PCDHGB1: variants seen among roughly 807,000 people sequenced by gnomAD.
PCDHGB1 encodes protocadherin gamma-B1.
A neutral mutation model predicts 56.6 loss-of-function variants in PCDHGB1; 34 were observed. That is an observed-to-expected ratio of 0.60 (90% CI 0.46 to 0.80). The LOEUF (loss-of-function observed/expected upper bound fraction) is 0.80, where lower values mean the gene tolerates loss of function less well. PCDHGB1 is among the 30% of genes least tolerant of loss of function. The pLI is 0.00. For synonymous variants in PCDHGB1, 561 were observed against 505.9 expected (o/e 1.11, Z -1.46); for missense variants, 1,278 against 1,204.6 (o/e 1.06, Z -0.90).
At chr5:141,406,870 G>T (rs903338003) in intron 1 of PCDHGB1, among the ~76,000 whole-genome samples, 1 of 152,230 alleles carries the variant, frequency 6.6e-6, no homozygotes, top group Non-Finnish European at 1.5e-5. Flanking sequence ...CTCAGGAACT[G>T]CTGGGAAGAT....
At chr5:141,375,323 G>A in intron 1 of PCDHGB1, 1 of 1,613,814 alleles carries the variant, frequency 6.2e-7, no homozygotes, top group Non-Finnish European at 8.5e-7. Context: ...AGACCGGGAA[G>A]AGGTATTCTT....
At chr5:141,385,503 C>A in intron 1 of PCDHGB1, 1 of 1,379,554 alleles carries the variant, frequency 7.2e-7, no homozygotes, top group Non-Finnish European at 9.4e-7. Context: ...TATAGTATTT[C>A]TTTAGTGAAA....
intron 1 of PCDHGB1, chr5:141,371,215 A>G: frequency 1.9e-6 from 3 of 1,614,052 alleles, no homozygotes; most frequent in East Asian, 2.2e-5. Flanking sequence ...GAGGGCATCA[A>G]TGCCGAAATC....
intron 1 of PCDHGB1, chr5:141,392,908 G>T: frequency 1.2e-6 from 2 of 1,613,852 alleles, no homozygotes; most frequent in African/African-American, 1.3e-5. Context: ...GGACAGATTC[G>T]CTACTCTGTG....
chr5:141,422,370 T>G (rs2096643676), intron 1 of PCDHGB1: 1 of 1,566,604 alleles, frequency 6.4e-7, no homozygotes, highest in African/African-American at 1.4e-5. Flanking sequence ...GAGAAAATGG[T>G]CAAGTCTCCT....
intron 1 of PCDHGB1, chr5:141,360,688 A>G: frequency 6.2e-7 from 1 of 1,613,902 alleles, no homozygotes; most frequent in Non-Finnish European, 8.5e-7. Context: ...TGAGAAACAG[A>G]CTCCAGATGG....
chr5:141,393,087 C>T (rs1244090890), intron 1 of PCDHGB1: 1 of 1,613,628 alleles, frequency 6.2e-7, no homozygotes, highest in African/African-American at 1.3e-5. Flanking sequence ...CAGGATAGAT[C>T]GGGAGGAGCT....
chr5:141,382,556 G>C (rs1286845940), intron 1 of PCDHGB1, among the ~76,000 whole-genome samples: 1 of 152,160 alleles, frequency 6.6e-6, no homozygotes, highest in Non-Finnish European at 1.5e-5. Flanking sequence ...GGGATATCTA[G>C]AGCAAAGAAA....
At chr5:141,418,583 T>A (rs1242446631) in intron 1 of PCDHGB1, 1 of 1,613,862 alleles carries the variant, frequency 6.2e-7, no homozygotes, top group Non-Finnish European at 8.5e-7. Flanking sequence ...CCCCCCAGTG[T>A]TCAGCCAGGA....
At chr5:141,421,965 C>A in intron 1 of PCDHGB1, 1 of 1,610,360 alleles carries the variant, frequency 6.2e-7, no homozygotes, top group Non-Finnish European at 8.5e-7. Context: ...TTACACAGTC[C>A]GTATATCGCG....
At chr5:141,404,044 A>G (rs752955570) in intron 1 of PCDHGB1, 3 of 1,613,936 alleles carry the variant, frequency 1.9e-6, no homozygotes, top group South Asian at 1.1e-5. Context: ...CTCAGGGAAC[A>G]GTAATTCTTC....
chr5:141,376,304 G>T, intron 1 of PCDHGB1: 1 of 1,614,218 alleles, frequency 6.2e-7, no homozygotes, highest in Non-Finnish European at 8.5e-7. Context: ...CTCGCACTTT[G>T]TGGGCGTGGA....
chr5:141,366,112 G>C (rs747040892), intron 1 of PCDHGB1: 1 of 1,614,110 alleles, frequency 6.2e-7, no homozygotes, highest in Non-Finnish European at 8.5e-7. Context: ...TGGTAGCGGT[G>C]GACAAAGATT....
At chr5:141,488,031 A>G (rs1475176300) in intron 1 of PCDHGB1, among the ~76,000 whole-genome samples, 1 of 152,122 alleles carries the variant, frequency 6.6e-6, no homozygotes, top group Non-Finnish European at 1.5e-5. Context: ...CTAGGTTACC[A>G]TTTCCCAAGG....
intron 1 of PCDHGB1, chr5:141,409,914 G>C: frequency 6.2e-7 from 1 of 1,613,348 alleles, no homozygotes; most frequent in East Asian, 2.2e-5. Context: ...GGTCCTGACG[G>C]CTCCGCGTTC....
Position 141,476,165 on chromosome 5 carries a change from G to A in PCDHGB1, c.2410-18642G>A. ...CGGACTGGTAAGCACCGGGAGGGTA[G>A]TGGGAGTTTTGCTTCTGCTTGGTGC... On this transcript the variant is annotated intron_variant, in intron 1 of 3. Coordinates refer to ENST00000523390, the MANE Select transcript of PCDHGB1 (RefSeq NM_018922.3). This position sits in a 1 kb window ranked among gnomAD's most constrained non-coding sequence, Gnocchi z 7.6. 1 of 1,613,228 alleles carries A rather than the reference G, an allele frequency of 6.2e-7. No homozygotes were observed.
At chr5:141,403,208 A>T (rs763459005) in intron 1 of PCDHGB1, 2 of 1,613,962 alleles carry the variant, frequency 1.2e-6, no homozygotes, top group Non-Finnish European at 1.7e-6. Flanking sequence ...CACCTTGGTC[A>T]CCGCGGGTAG....
At chr5:141,372,698 C>A in intron 1 of PCDHGB1, 1 of 1,613,986 alleles carries the variant, frequency 6.2e-7, no homozygotes, top group Non-Finnish European at 8.5e-7. Context: ...TTAAATTTCT[C>A]AATATAAAGG....
rs768704302 is a variant in PCDHGB1 at position 141,383,259 on chromosome 5, C to A, written c.2409+30590C>A. On this transcript the variant is annotated intron_variant, in intron 1 of 3. Coordinates refer to ENST00000523390, the MANE Select transcript of PCDHGB1 (RefSeq NM_018922.3). ...ATAAAATGAATCTTTACCCTATAGA[C>A]GTGGAAATAATAGATATTAATGACA... The A allele has an allele frequency of 5.6e-6, 9 of 1,613,810 alleles. No individual in the cohort carries two copies. In the South Asian group the frequency reaches 6.6e-5, roughly 12 times the overall value.
Sources: gnomAD v4.1 joint callset for allele counts (sites outside exome capture counted in the v4.1 genomes callset) on GRCh38, gnomAD v4.1.1 for gene constraint, Gnocchi (gnomAD v3.1) non-coding constraint, MANE v1.5 for transcripts, NCBI Gene and HGNC (gene_info 2026-07-23, HGNC 2026-07-21) for gene names.